The following DNAI1 variants were observed in gnomAD, a reference collection of about 807,000 sequenced individuals.
The protein encoded by DNAI1 is dynein, axonemal, intermediate polypeptide 1.
Under a neutral mutation model 92.0 loss-of-function variants are expected in DNAI1, and 67 were observed. That is an observed-to-expected ratio of 0.73 (90% CI 0.60 to 0.89). DNAI1 has a LOEUF of 0.89. Ranked by LOEUF, DNAI1 falls within the 40% of genes least tolerant of loss-of-function variation. The pLI is 0.00. For missense variants in DNAI1, 839 were observed against 866.6 expected (o/e 0.97, Z 0.40); for synonymous variants, 323 against 319.6 (o/e 1.01, Z -0.11).
chr9:34,469,859 C>T (rs1436284188), intron 1 of DNAI1, among the ~76,000 whole-genome samples: 1 of 152,128 alleles, frequency 6.6e-6, no homozygotes, highest in African/African-American at 2.4e-5. Flanking sequence ...AGATTACAGG[C>T]GTGAGCCACT....
At chr9:34,482,790 G>A (rs1273996653) in intron 1 of DNAI1, among the ~76,000 whole-genome samples, 1 of 152,264 alleles carries the variant, frequency 6.6e-6, no homozygotes, top group Non-Finnish European at 1.5e-5. Flanking sequence ...GGTGGTCGAT[G>A]GGACTGGGCG....
chr9:34,461,319 A>G (rs1823948068), intron 1 of DNAI1, among the ~76,000 whole-genome samples: 1 of 152,228 alleles, frequency 6.6e-6, no homozygotes, highest in Non-Finnish European at 1.5e-5. Context: ...TGGTTTACAT[A>G]TAATAGAATG....
intron 8 of DNAI1, 39 bp from the exon 9 acceptor site, chr9:34,493,155 G>A (rs765451227): frequency 6.2e-7 from 1 of 1,614,058 alleles, no homozygotes; most frequent in Non-Finnish European, 8.5e-7. Context: ...GGTAAAGATT[G>A]CACCTTACAA....
At chr9:34,461,176 C>A (rs1171406318) in intron 1 of DNAI1, among the ~76,000 whole-genome samples, 1 of 152,094 alleles carries the variant, frequency 6.6e-6, no homozygotes, top group Non-Finnish European at 1.5e-5. Flanking sequence ...GGGGTTTCAC[C>A]ATATTGGTCA....
chr9:34,461,235 C>T (rs1199907903), intron 1 of DNAI1, among the ~76,000 whole-genome samples: 6 of 152,174 alleles, frequency 3.9e-5, no homozygotes, highest in African/African-American at 1.4e-4. Context: ...CCTAGGCCTC[C>T]CAAAGTGCTG....
intron 17 of DNAI1, 38 bp from the exon 18 acceptor site, chr9:34,514,602 C>T (rs1329719335): frequency 1.2e-6 from 2 of 1,613,984 alleles, no homozygotes; most frequent in African/African-American, 2.7e-5. Context: ...CACTGTGAGC[C>T]CTCTGTGCCA....
chr9:34,508,630 C>G (rs955043288), intron 13 of DNAI1, among the ~76,000 whole-genome samples: 1 of 152,160 alleles, frequency 6.6e-6, no homozygotes, highest in Non-Finnish European at 1.5e-5. Flanking sequence ...CAGAGCATCT[C>G]TGGTTGGCCT....
At position 34,483,461 on chromosome 9, in the gene DNAI1, G is replaced by C. The variant is rs1564030939; in HGVS notation, c.62G>C (p.Gly21Ala). 2 of 1,612,322 alleles carry C rather than the reference G, an allele frequency of 1.2e-6. No homozygotes were observed. Among genetic ancestry groups the C allele is most frequent in the African/African-American group, 2.7e-5 (2 of 75,044 alleles). ...KQPHKQSISI[G>A]RGTRKRDEDS... is the part of the protein sequence containing the mutation. ...TTCTTCATTTAGAGCATCAGCATAG[G>C]CAGAGGAACCAGGAAGAGAGTAAGT... The change falls in exon 2 of 20, where the codon GGC (glycine) becomes GCC (alanine). Residue 21 changes from glycine (G) to alanine (A), a missense_variant. Coordinates refer to ENST00000242317, the MANE Select transcript of DNAI1 (RefSeq NM_012144.4).
rs374176870 is a variant in DNAI1 at position 34,503,939 on chromosome 9, A to G, written c.1064-2688A>G. ...ATGGCCTTGGGACTGCTGGGATGCA[A>G]TGATGTCAGCCGGCTGTACTGAAGG... On this transcript the variant is annotated intron_variant, in intron 12 of 19. Coordinates refer to ENST00000242317, the MANE Select transcript of DNAI1 (RefSeq NM_012144.4). Among the ~76,000 whole-genome samples the G allele has an allele frequency of 4.6e-5, 7 of 152,284 alleles. 1 individual carries two copies. The East Asian group carries it at 5.8e-4, about 13-fold the overall frequency.
intron 4 of DNAI1, among the ~76,000 whole-genome samples, chr9:34,486,481 G>T (rs1402565959): frequency 6.6e-6 from 1 of 151,718 alleles, no homozygotes; most frequent in East Asian, 1.9e-4. Flanking sequence ...ATAATATTTT[G>T]AAAATATAAT....
At chr9:34,494,338 C>G (rs1824673341) in intron 9 of DNAI1, among the ~76,000 whole-genome samples, 1 of 152,194 alleles carries the variant, frequency 6.6e-6, no homozygotes, top group Admixed American at 6.5e-5. Flanking sequence ...TTTATAGGAA[C>G]TGTCCCAATG....
intron 11 of DNAI1, 145 bp from the exon 12 acceptor site, chr9:34,500,993 C>T: frequency 1.0e-6 from 1 of 954,308 alleles, no homozygotes; most frequent in South Asian, 1.3e-5. Context: ...ACAAGACCAC[C>T]CCCAGGACTC....
In DNAI1 at chr9:34,513,202, C is replaced by T. The variant is rs755297454; in HGVS notation, c.1569+11C>T. The T allele has an allele frequency of 3.1e-6, 5 of 1,610,900 alleles. No homozygotes were observed. The highest frequency in any genetic ancestry group is 2.2e-5 in the South Asian group (2 of 91,022). Reference sequence around the variant, plus strand: ...GGAAAAATCTACAAGGTGAGGCTGCCCTGTGCCAGCTCCTTAGAAGGCCGC... The same window carrying T: ...GGAAAAATCTACAAGGTGAGGCTGCTCTGTGCCAGCTCCTTAGAAGGCCGC... On this transcript the variant is annotated intron_variant, in intron 16 of 19. Transcript: ENST00000242317.
chr9:34,492,534 ATT>A (rs1824630626), intron 8 of DNAI1, among the ~76,000 whole-genome samples: 1 of 123,614 alleles, frequency 8.1e-6, no homozygotes, highest in Admixed American at 8.4e-5. Flanking sequence ...ATATATATAT[ATT>A]TGAGACAAGG....
intron 1 of DNAI1, among the ~76,000 whole-genome samples, chr9:34,464,250 T>C (rs10125060): frequency 0.17 from 25,698 of 151,976 alleles, 2,315 homozygotes; most frequent in African/African-American, 0.22. Flanking sequence ...ACTGTCAATC[T>C]GATTGTGCCA....
intron 9 of DNAI1, among the ~76,000 whole-genome samples, chr9:34,495,323 G>A (rs560738641): frequency 2.6e-5 from 4 of 152,268 alleles, no homozygotes; most frequent in Admixed American, 2.6e-4. Flanking sequence ...GAGAGGAGTG[G>A]TCAGACTGGG....
rs1379557595 is a variant in DNAI1 at position 34,501,047 on chromosome 9, T to C, written c.1020-91T>C. On this transcript the variant is annotated intron_variant, in intron 11 of 19. Transcript: ENST00000242317. ...AGCTGGAGAACAGATGTCTGTAGTATATTTAGGCACCAGTGCCAATGGGAA... is the reference window on the plus strand; with the variant it reads ...AGCTGGAGAACAGATGTCTGTAGTACATTTAGGCACCAGTGCCAATGGGAA... 4 of 1,136,448 alleles carry C rather than the reference T, an allele frequency of 3.5e-6. No homozygotes were observed. The East Asian group carries it at 9.3e-5, about 27-fold the overall frequency. The allele number at this position is 1,136,448 out of a possible 1,614,324, so 70.4% of individuals were successfully genotyped here.
intron 7 of DNAI1, 93 bp downstream of exon 7, chr9:34,490,581 C>T (rs1012830932): frequency 3.2e-6 from 5 of 1,559,930 alleles, no homozygotes; most frequent in Non-Finnish European, 4.4e-6. Context: ...AGACCTCAGC[C>T]TGGCAGGGGT....
At chr9:34,517,204 A>G in intron 18 of DNAI1, 81 bp from the exon 19 acceptor site, 1 of 1,487,038 alleles carries the variant, frequency 6.7e-7, no homozygotes, top group Non-Finnish European at 9.2e-7. Flanking sequence ...GTCTTTCCCC[A>G]GGAAGTCCAG....
Sources: allele counts gnomAD v4.1 joint callset (sites outside exome capture counted in the v4.1 genomes callset), GRCh38; gene constraint gnomAD v4.1.1; transcripts MANE v1.5; gene names NCBI Gene and HGNC (gene_info 2026-07-23, HGNC 2026-07-21).